Variants in CA6 observed in about 807,000 individuals in gnomAD.
The protein encoded by CA6 is carbonate dehydratase VI.
In CA6, 28 loss-of-function variants were observed where a neutral mutation model predicts 35.9. The observed-to-expected ratio is 0.78, with a 90% CI of 0.58 to 1.07. The LOEUF (loss-of-function observed/expected upper bound fraction) is 1.07, where lower values mean the gene tolerates loss of function less well. CA6 is among the 50% of genes least tolerant of loss of function. The pLI, the probability that CA6 is intolerant of heterozygous loss-of-function variation, is 0.00. For synonymous variants in CA6, 148 were observed against 152.6 expected, an observed-to-expected ratio of 0.97 and a Z score of 0.22; for missense variants, 377 against 382.0, an observed-to-expected ratio of 0.99 and a Z score of 0.11.
rs1639887735 is a variant in CA6, at chr1:8,963,183, C to T, written c.571+527C>T. On this transcript the variant is annotated intron_variant, in intron 5 of 7. Transcript: ENST00000377443. This position sits in a 1 kb window ranked among gnomAD's most constrained non-coding sequence, Gnocchi z 4.1. Reference sequence around the variant, plus strand: ...CAATAGCTCTGCATCCTCGACTTCACACGTCCCATTCCGGCCACACCTCCC... The same window carrying T: ...CAATAGCTCTGCATCCTCGACTTCATACGTCCCATTCCGGCCACACCTCCC... 6.6e-6 allele frequency among the ~76,000 whole-genome samples: 1 copy of T among 152,190 alleles called. No homozygotes were observed. The highest frequency in any genetic ancestry group is 1.5e-5 in the Non-Finnish European group (1 of 68,044).
intron 4 of CA6, among the ~76,000 whole-genome samples, chr1:8,961,473 ATTAAG>A (rs1412095830): frequency 6.6e-6 from 1 of 152,224 alleles, no homozygotes; most frequent in Non-Finnish European, 1.5e-5. Context: ...TTTTACTGAA[ATTAAG>A]TTAATATTAA....
chr1:8,973,805 CTCTCTCTCTCTCTCTT>C (rs1640194379), intron 7 of CA6, among the ~76,000 whole-genome samples: 2 of 140,912 alleles, frequency 1.4e-5, no homozygotes, highest in South Asian at 4.5e-4. Context: ...CTCCCTCTCT[CTCTCTCTCTCTCTCTT>C]TCTTCCTCTC....
intron 7 of CA6, 197 bp from the exon 8 acceptor site, chr1:8,974,425 T>C (rs1405244290): frequency 1.3e-6 from 2 of 1,532,972 alleles, no homozygotes; most frequent in East Asian, 2.4e-5. Flanking sequence ...CCCTTGGCTC[T>C]GGGCAGCTTA....
intron 2 of CA6, among the ~76,000 whole-genome samples, chr1:8,956,250 C>T (rs1639679481): frequency 1.3e-5 from 2 of 152,058 alleles, no homozygotes; most frequent in Admixed American, 1.3e-4. Context: ...AGATCTTGCT[C>T]ATGAGACACA....
rs888525737 is a variant in CA6, at chr1:8,945,977, G to C, written c.79+12G>C. Reference sequence around the variant, plus strand: ...CTGGACCTACTCAGGTGAGCCCCTAGCTTCTGCATGCTCCCCCAGTTACCC... The same window carrying C: ...CTGGACCTACTCAGGTGAGCCCCTACCTTCTGCATGCTCCCCCAGTTACCC... On this transcript the variant is annotated intron_variant, in intron 1 of 7. Transcript: ENST00000377443. 6.4e-7 allele frequency: 1 copy of C among 1,569,976 alleles called. No homozygotes were observed. Among genetic ancestry groups the C allele is most frequent in the Non-Finnish European group, 8.8e-7 (1 of 1,140,414 alleles).
rs59202016 is a variant in CA6 at position 8,973,798 on chromosome 1, CCTCTCT to C, written c.845-807_845-802del. Among the ~76,000 whole-genome samples the C allele has an allele frequency of 8.0e-3, 956 of 119,726 alleles. 36 individuals carry two copies. The highest frequency in any genetic ancestry group is 0.013 in the Non-Finnish European group (724 of 56,140). 78.5% of individuals were successfully genotyped at this position (119,726 alleles called of 152,430 possible). A position where few individuals can be genotyped will look rare whatever the true frequency, so the allele number is the denominator to read the frequency against. ...TTTCTTTCTTTCTTTTCCCTCCCTC[CCTCTCT>C]CTCTCTCTCTCTCTCTTTCTTCCTC... On this transcript the variant is annotated intron_variant, in intron 7 of 7. Coordinates refer to ENST00000377443, the MANE Select transcript of CA6 (RefSeq NM_001215.4).
intron 1 of CA6, among the ~76,000 whole-genome samples, chr1:8,946,861 T>C (rs1367023103): frequency 6.8e-6 from 1 of 146,368 alleles, no homozygotes; most frequent in Non-Finnish European, 1.5e-5. Context: ...TGGAGTTCAG[T>C]GGTGCCATCT....
In CA6 at chr1:8,962,632, C is replaced by A. The variant is rs750623025; in HGVS notation, c.547C>A (p.His183Asn). 2 of 1,613,842 alleles carry A rather than the reference C, an allele frequency of 1.2e-6. No individual in the cohort carries two copies. The highest frequency in any genetic ancestry group is 4.5e-5 in the East Asian group (2 of 44,884). Residue 183 changes from histidine to asparagine, a missense_variant, in exon 5 of 8, where the codon CAT becomes AAT. Coordinates refer to ENST00000377443, the MANE Select transcript of CA6 (RefSeq NM_001215.4). The stretch of plus-strand genomic sequence containing the variant: ...CACTTATTACAGCAACTTCATTTCT[C>A]ATCTGGCCAACATCAAGTACCCAGG... ...ENTYYSNFISHLANIKYPGQR... is the reference protein window; with the variant it reads ...ENTYYSNFISNLANIKYPGQR...
At chr1:8,954,417 G>A (rs1455215771) in intron 2 of CA6, among the ~76,000 whole-genome samples, 2 of 151,986 alleles carry the variant, frequency 1.3e-5, no homozygotes, top group African/African-American at 2.4e-5. Flanking sequence ...TGCCTGCTTC[G>A]GCCTCCCAAA....
intron 7 of CA6, among the ~76,000 whole-genome samples, chr1:8,973,713 TTTC>T (rs1640170434): frequency 1.2e-4 from 1 of 8,218 alleles, no homozygotes; most frequent in Non-Finnish European, 2.4e-4. Context: ...TTTCTCTCTC[TTTC>T]TTTCTTTCTT....
intron 7 of CA6, among the ~76,000 whole-genome samples, chr1:8,973,498 G>A (rs186673396): frequency 3.3e-5 from 5 of 152,120 alleles, no homozygotes; most frequent in East Asian, 1.9e-4. Flanking sequence ...TCTAGGTACC[G>A]GCCCCAGACT....
chr1:8,966,640 C>T (rs1480048376), intron 5 of CA6, among the ~76,000 whole-genome samples: 1 of 152,166 alleles, frequency 6.6e-6, no homozygotes, highest in East Asian at 1.9e-4. Flanking sequence ...GTTGAACAGG[C>T]CTATCTACGT....
At chr1:8,948,469 G>T (rs532004554) in intron 1 of CA6, among the ~76,000 whole-genome samples, 1 of 151,970 alleles carries the variant, frequency 6.6e-6, no homozygotes, top group African/African-American at 2.4e-5. Flanking sequence ...CCATAAAAGG[G>T]GCTGGAGCAA....
At chr1:8,957,309 C>G (rs200330675) in intron 3 of CA6, 24 bp downstream of exon 3, 32 of 1,588,660 alleles carry the variant, frequency 2.0e-5, no homozygotes, top group Non-Finnish European at 2.6e-5. Context: ...CCCACTGTGT[C>G]CTCTTTCCTT....
chr1:8,966,312 G>T (rs1639967340), intron 5 of CA6, among the ~76,000 whole-genome samples: 1 of 151,922 alleles, frequency 6.6e-6, no homozygotes, highest in East Asian at 1.9e-4. Flanking sequence ...GTTTCATCAT[G>T]TTGGCCAGGC....
In CA6 at chr1:8,957,163, C is replaced by A. The variant is rs766673152; in HGVS notation, c.286C>A (p.Arg96Ser). The A allele has an allele frequency of 5.0e-6, 8 of 1,612,880 alleles. No individual in the cohort carries two copies. The highest frequency in any genetic ancestry group is 1.1e-5 in the South Asian group (1 of 90,932). Residue 96 changes from arginine (R) to serine (S), a missense_variant, in exon 3 of 8, where the codon CGC becomes AGC. Physicochemically the swap from Arg to Ser is moderately radical, Grantham distance 110. Coordinates refer to ENST00000377443, the MANE Select transcript of CA6 (RefSeq NM_001215.4). Reference protein sequence around the residue: ...TVQISLPSTMRMTVADGTVYI... With the variant: ...TVQISLPSTMSMTVADGTVYI... ...GCAGATCAGCCTGCCCTCCACCATG[C>A]GCATGACAGTGGCTGACGGCACTGT...
chr1:8,971,842 A>G (rs563468643), intron 7 of CA6, among the ~76,000 whole-genome samples: 22 of 152,298 alleles, frequency 1.4e-4, no homozygotes, highest in Non-Finnish European at 2.4e-4. Context: ...TCAGGCTCCA[A>G]CCGTGTCCTT....
At chr1:8,967,430 G>A (rs1009894511) in intron 5 of CA6, among the ~76,000 whole-genome samples, 14 of 152,080 alleles carry the variant, frequency 9.2e-5, no homozygotes, top group African/African-American at 2.9e-4. Context: ...GTGAGCACCC[G>A]GCCAAGAGCA....
rs1640093749 is a variant in CA6, at chr1:8,970,922, AT to A, written c.787del (p.Tyr263ThrfsTer7). 1 of 1,614,130 alleles carries A rather than the reference AT, an allele frequency of 6.2e-7. No homozygotes were observed. On this transcript the variant is annotated frameshift_variant, in exon 7 of 8. Transcript: ENST00000377443. LOFTEE classifies it high-confidence loss of function. ...CACCGCAACAAGACCATCCACAACG[AT>A]TACCGCAGGACCCAGCCCCTGAACC... is the stretch of plus-strand genomic sequence containing the variant. Reference protein sequence around the residue: ...LDHRNKTIHNDYRRTQPLNHR... With the variant: ...LDHRNKTIHNXYRRTQPLNHR...
Sources: gnomAD v4.1 joint callset for allele counts (sites outside exome capture counted in the v4.1 genomes callset) on GRCh38, gnomAD v4.1.1 for gene constraint, Gnocchi (gnomAD v3.1) non-coding constraint, MANE v1.5 for transcripts, NCBI Gene and HGNC (gene_info 2026-07-23, HGNC 2026-07-21) for gene names.